TMEM132B: variants seen among roughly 807,000 people sequenced by gnomAD.
The protein encoded by TMEM132B is transmembrane protein 132B.
TMEM132B carries 18 observed loss-of-function variants against 90.8 expected under a neutral mutation model. That is an observed-to-expected ratio of 0.20 (90% CI 0.14 to 0.29). The LOEUF (loss-of-function observed/expected upper bound fraction) is 0.29. TMEM132B is among the 10% of genes least tolerant of loss of function. The pLI, the probability that TMEM132B is intolerant of heterozygous loss-of-function variation, is 1.00. For synonymous variants in TMEM132B, 504 were observed against 523.3 expected (o/e 0.96, Z 0.50); for missense variants, 1,096 against 1,326.8 (o/e 0.83, Z 2.70).
chr12:125,656,259 T>C lies in TMEM132B; in HGVS notation c.*1549T>C, dbSNP rs1887058299. 6.6e-6 allele frequency: 1 copy of C among 152,166 alleles called. No homozygotes were observed. The highest frequency in any genetic ancestry group is 2.4e-5 in the African/African-American group (1 of 41,438). The allele number at this position is 152,166 out of a possible 1,614,324, so 9.4% of individuals were successfully genotyped here. ...GAGCCATTTGCATCTCTAAGAAATATGATTTTAAAGGCCCAAAGTAGGAAG... is the reference window on the plus strand; with the variant it reads ...GAGCCATTTGCATCTCTAAGAAATACGATTTTAAAGGCCCAAAGTAGGAAG... On this transcript the variant is annotated 3_prime_UTR_variant, in exon 9 of 9. Transcript: ENST00000682704.
intron 1 of TMEM132B, among the ~76,000 whole-genome samples, chr12:125,262,245 CAAA>C (rs11307058): frequency 1.9e-4 from 16 of 84,280 alleles, no homozygotes; most frequent in African/African-American, 3.3e-4. Flanking sequence ...CCTGTTTCTA[CAAA>C]AAAAAAAAAA....
In TMEM132B at chr12:125,277,732, T is replaced by C. The variant is rs1481641015; in HGVS notation, c.68-71720T>C. Among the ~76,000 whole-genome samples, 6 of 152,180 alleles carry C rather than the reference T, an allele frequency of 3.9e-5. No individual in the cohort carries two copies. The highest frequency in any genetic ancestry group is 8.8e-5 in the Non-Finnish European group (6 of 68,038). The stretch of plus-strand genomic sequence containing the variant: ...GCCCCCAGGACTATGAGAGAATAAA[T>C]TTCTGTTGTTATAAGCCATCCCATT... On this transcript the variant is annotated intron_variant, in intron 1 of 8. Transcript: ENST00000682704. This position sits in a 1 kb window ranked among gnomAD's most constrained non-coding sequence, Gnocchi z 4.3.
chr12:125,377,477 C>T (rs1878528515), intron 2 of TMEM132B, among the ~76,000 whole-genome samples: 1 of 152,158 alleles, frequency 6.6e-6, no homozygotes, highest in Non-Finnish European at 1.5e-5. Flanking sequence ...GGACACTTCT[C>T]ATGCATGTCG....
intron 1 of TMEM132B, among the ~76,000 whole-genome samples, chr12:125,191,505 G>A (rs1401956248): frequency 6.6e-6 from 1 of 152,162 alleles, no homozygotes; most frequent in African/African-American, 2.4e-5. Context: ...TCACTCTCTA[G>A]CCTTGTGCGG....
intron 3 of TMEM132B, among the ~76,000 whole-genome samples, chr12:125,439,248 T>A (rs1379062384): frequency 1.3e-5 from 2 of 152,206 alleles, no homozygotes; most frequent in Non-Finnish European, 2.9e-5. Flanking sequence ...AATCTGCACA[T>A]TGCTCTGGGC....
Position 125,655,016 on chromosome 12 carries a change from C to A in TMEM132B, c.*306C>A. On this transcript the variant is annotated 3_prime_UTR_variant, in exon 9 of 9. Transcript: ENST00000682704. ...ACCCCACAGACATTGTTAGTCATCT[C>A]GTGACAAATGGCCATGTGGAATTAG... 2 of 260,096 alleles carry A rather than the reference C, an allele frequency of 7.7e-6. No individual in the cohort carries two copies. The highest frequency in any genetic ancestry group is 7.3e-6 in the Non-Finnish European group (1 of 136,622). The allele number at this position is 260,096 out of a possible 1,614,324, so 16.1% of individuals were successfully genotyped here.
At chr12:125,215,999 C>T (rs1234859247) in intron 1 of TMEM132B, among the ~76,000 whole-genome samples, 3 of 152,214 alleles carry the variant, frequency 2.0e-5, no homozygotes, top group Non-Finnish European at 2.9e-5. Flanking sequence ...TTCTGCTTAC[C>T]ACAGCCATCT....
Position 125,376,016 on chromosome 12 carries a change from G to A in TMEM132B, c.959+25673G>A, listed in dbSNP as rs325085. On this transcript the variant is annotated intron_variant, in intron 2 of 8. Coordinates refer to ENST00000682704, the MANE Select transcript of TMEM132B (RefSeq NM_001366854.1). ...GTGCTGAGGTAGCACTGAATTACCT[G>A]TTGAGAGGTGGTTCCTGCTGCATCC... Among the ~76,000 whole-genome samples, 491 of 152,342 alleles carry A rather than the reference G, an allele frequency of 3.2e-3. 1 individual carries two copies. The highest frequency in any genetic ancestry group is 0.014 in the Middle Eastern group (4 of 294).
At chr12:125,612,760 C>G (rs1885867597) in intron 5 of TMEM132B, among the ~76,000 whole-genome samples, 1 of 132,370 alleles carries the variant, frequency 7.6e-6, no homozygotes, top group African/African-American at 2.7e-5. Context: ...CTGTCCTTTT[C>G]CTTTCAATCT....
rs755167103 is a variant in TMEM132B at position 125,543,826 on chromosome 12, G to A, written c.1293+24201G>A. 1.4e-3 allele frequency among the ~76,000 whole-genome samples: 217 copies of A among 152,210 alleles called. 8 individuals are homozygous for A. Among genetic ancestry groups the A allele is most frequent in the Non-Finnish European group, 3.7e-4 (25 of 68,038 alleles). ...AAGGTTAGAACCAGAAATACCATTTGATCCAGCAATCCCATTACTGGGTAT... is the reference window on the plus strand; with the variant it reads ...AAGGTTAGAACCAGAAATACCATTTAATCCAGCAATCCCATTACTGGGTAT... On this transcript the variant is annotated intron_variant, in intron 4 of 8. Coordinates refer to ENST00000682704, the MANE Select transcript of TMEM132B (RefSeq NM_001366854.1).
At chr12:125,419,004 G>T (rs768826308) in intron 3 of TMEM132B, among the ~76,000 whole-genome samples, 5 of 152,124 alleles carry the variant, frequency 3.3e-5, no homozygotes, top group Non-Finnish European at 7.4e-5. Context: ...TTGAGATGAG[G>T]TTGTTCTTTG....
chr12:125,577,517 CAACAT>C (rs1252551400), intron 4 of TMEM132B, among the ~76,000 whole-genome samples: 1 of 149,290 alleles, frequency 6.7e-6, no homozygotes, highest in Non-Finnish European at 1.5e-5. Context: ...TAATAATATT[CAACAT>C]AACATTATTT....
chr12:125,282,052 AAAAAAAAAG>A (rs1311474052), intron 1 of TMEM132B, among the ~76,000 whole-genome samples: 3,502 of 41,656 alleles, frequency 0.084, 449 homozygotes, highest in Non-Finnish European at 0.098. Flanking sequence ...AAAAAAAAAA[AAAAAAAAAG>A]AGAGACTTTT....
rs568022976 is a variant in TMEM132B, at chr12:125,537,506, G to A, written c.1293+17881G>A. 5.3e-5 allele frequency among the ~76,000 whole-genome samples: 8 copies of A among 152,284 alleles called. No homozygotes were observed. The South Asian group carries it at 1.7e-3, about 32-fold the overall frequency. On this transcript the variant is annotated intron_variant, in intron 4 of 8. Coordinates refer to ENST00000682704, the MANE Select transcript of TMEM132B (RefSeq NM_001366854.1). ...TCTGTGGCCTTCTAAGTCACCTGGG[G>A]CGGACATCCATTCTTGACAATGGCT...
At chr12:125,355,436 G>A (rs751735922) in intron 2 of TMEM132B, among the ~76,000 whole-genome samples, 2 of 152,212 alleles carry the variant, frequency 1.3e-5, no homozygotes, top group Non-Finnish European at 2.9e-5. Flanking sequence ...TGGTTGGCCC[G>A]GAGTTGGAAG....
At chr12:125,649,567 A>G (rs1886853895) in intron 6 of TMEM132B, among the ~76,000 whole-genome samples, 1 of 152,180 alleles carries the variant, frequency 6.6e-6, no homozygotes, top group African/African-American at 2.4e-5. Flanking sequence ...ACATGAATTA[A>G]ATATGCACGG....
At chr12:125,346,269 A>G (rs1408433594) in intron 1 of TMEM132B, among the ~76,000 whole-genome samples, 1 of 152,218 alleles carries the variant, frequency 6.6e-6, no homozygotes, top group African/African-American at 2.4e-5. Context: ...AAAGAAAACA[A>G]TAAACCAATC....
chr12:125,289,658 A>G (rs1321935920), intron 1 of TMEM132B, among the ~76,000 whole-genome samples: 1 of 152,226 alleles, frequency 6.6e-6, no homozygotes, highest in East Asian at 1.9e-4. Flanking sequence ...TAGCACATTT[A>G]CTTCTCAGAG....
rs1025899372 is a variant in TMEM132B at position 125,302,753 on chromosome 12, A to G, written c.68-46699A>G. On this transcript the variant is annotated intron_variant, in intron 1 of 8. Coordinates refer to ENST00000682704, the MANE Select transcript of TMEM132B (RefSeq NM_001366854.1). The stretch of plus-strand genomic sequence containing the variant: ...ATTGCATTCACCATGAAATGCAACA[A>G]TCACCTCTGTCTAGTTCCAAAATTT... Among the ~76,000 whole-genome samples, 7 of 152,358 alleles carry G rather than the reference A, an allele frequency of 4.6e-5. No individual in the cohort carries two copies. The East Asian group carries it at 1.3e-3, about 29-fold the overall frequency.
Sources: gnomAD v4.1 joint callset for allele counts (sites outside exome capture counted in the v4.1 genomes callset) on GRCh38, gnomAD v4.1.1 for gene constraint, Gnocchi (gnomAD v3.1) non-coding constraint, MANE v1.5 for transcripts, NCBI Gene and HGNC (gene_info 2026-07-23, HGNC 2026-07-21) for gene names.